The following BRIX1 variants were observed in gnomAD, a reference collection of about 807,000 sequenced individuals.
BRIX1 encodes ribosome biogenesis protein BRX1 homolog.
In BRIX1, 15 loss-of-function variants were observed where a neutral mutation model predicts 44.0. That is an observed-to-expected ratio of 0.34 (90% CI 0.23 to 0.53). The LOEUF is 0.53. Among genes scored for constraint, BRIX1 ranks in the 20% least tolerant of loss-of-function variants. The probability of loss-of-function intolerance (pLI) is 0.95; values close to 1 mark genes in which losing one functional copy is unlikely to be tolerated. For synonymous variants in BRIX1, 149 were observed against 135.4 expected (o/e 1.10, Z -0.70); for missense variants, 420 against 432.8 (o/e 0.97, Z 0.26).
chr5:34,916,092 G>C (rs1329111202), intron 1 of BRIX1, 195 bp downstream of exon 1: 22 of 574,350 alleles, frequency 3.8e-5, no homozygotes, highest in Non-Finnish European at 5.3e-5. Flanking sequence ...CGTCTTCCTG[G>C]AGGCGGCGGG....
At chr5:34,916,057 T>G in intron 1 of BRIX1, 160 bp downstream of exon 1, 1 of 826,214 alleles carries the variant, frequency 1.2e-6, no homozygotes, top group Non-Finnish European at 1.8e-6. Flanking sequence ...GCACGGAGTT[T>G]GCAGCTAATC....
chr5:34,923,204 G>A lies in BRIX1; in HGVS notation c.633G>A (p.Leu211=). ...ACCACGTGTTTACTTTCACCATTTT[G>A]GATAATAGGATATGGTTTCGGAACT... ...FVDHVFTFTI[L]DNRIWFRNFQ... Residue 211 remains leucine, a synonymous_variant, in exon 8 of 10, where the codon TTG becomes TTA. Coordinates refer to ENST00000336767, the MANE Select transcript of BRIX1 (RefSeq NM_018321.4). The A allele has an allele frequency of 1.2e-6, 2 of 1,613,706 alleles. No homozygotes were observed. Among genetic ancestry groups the A allele is most frequent in the Non-Finnish European group, 1.7e-6 (2 of 1,179,692 alleles).
At chr5:34,915,994 T>C in intron 1 of BRIX1, 97 bp downstream of exon 1, 2 of 1,375,850 alleles carry the variant, frequency 1.5e-6, no homozygotes, top group Non-Finnish European at 1.9e-6. Flanking sequence ...AATTTCAGAG[T>C]AGCCCGGGTG....
chr5:34,922,276 T>G lies in BRIX1; in HGVS notation c.375T>G (p.Asp125Glu). 6.4e-7 allele frequency: 1 copy of G among 1,568,500 alleles called. No individual in the cohort carries two copies. Among genetic ancestry groups the G allele is most frequent in the Non-Finnish European group, 8.7e-7 (1 of 1,143,444 alleles). Reference protein sequence around the residue: ...CIYFEAKKKQDLYMWLSNSPH... With the variant: ...CIYFEAKKKQELYMWLSNSPH... ...ATTTTGAAGCTAAGAAAAAACAGGATCTCTATATGTGGTAAGAGAATGTAT... is the reference window on the plus strand; with the variant it reads ...ATTTTGAAGCTAAGAAAAAACAGGAGCTCTATATGTGGTAAGAGAATGTAT... Residue 125 changes from aspartate to glutamate, a missense_variant, in exon 4 of 10, where the codon GAT (aspartate) becomes GAG (glutamate). By Grantham distance (45) the Asp-to-Glu change is conservative. Coordinates refer to ENST00000336767, the MANE Select transcript of BRIX1 (RefSeq NM_018321.4).
chr5:34,918,470 A>G lies in BRIX1; in HGVS notation c.266A>G (p.Lys89Arg). Residue 89 changes from lysine (K) to arginine (R), a missense_variant, in exon 2 of 10, where the codon AAA (lysine) becomes AGA (arginine). Physicochemically the swap from Lys to Arg is conservative, Grantham distance 26. Coordinates refer to ENST00000336767, the MANE Select transcript of BRIX1 (RefSeq NM_018321.4). ...QDLRMLMPHSKADTKMDRKDK... is the reference protein window; with the variant it reads ...QDLRMLMPHSRADTKMDRKDK... ...TTGAGAATGTTGATGCCTCATTCTAAAGCAGGTGCCTTTATATCATATACT... is the reference window on the plus strand; with the variant it reads ...TTGAGAATGTTGATGCCTCATTCTAGAGCAGGTGCCTTTATATCATATACT... 6.3e-7 allele frequency: 1 copy of G among 1,586,150 alleles called. No individual in the cohort carries two copies. Among genetic ancestry groups the G allele is most frequent in the East Asian group, 2.3e-5 (1 of 44,360 alleles).
In BRIX1 at chr5:34,925,458, A is replaced by G; in HGVS notation, c.1025A>G (p.Lys342Arg). 1 of 1,613,864 alleles carries G rather than the reference A, an allele frequency of 6.2e-7. No individual in the cohort carries two copies. The highest frequency in any genetic ancestry group is 1.7e-5 in the Admixed American group (1 of 60,030). The change falls in exon 10 of 10, where the codon AAA becomes AGA. Residue 342 changes from lysine (K) to arginine (R), a missense_variant. Lys to Arg is a conservative substitution (Grantham distance 26). Transcript: ENST00000336767. The stretch of plus-strand genomic sequence containing the variant: ...AAACGGATTTACAAAAGGCAAAGAA[A>G]AATGAAACAGAGGATGGACAGTGGG... Reference protein sequence around the residue: ...RKKRIYKRQRKMKQRMDSGKT... With the variant: ...RKKRIYKRQRRMKQRMDSGKT...
intron 1 of BRIX1, 68 bp downstream of exon 1, chr5:34,915,965 CT>C: frequency 6.8e-7 from 1 of 1,461,310 alleles, no homozygotes; most frequent in Non-Finnish European, 9.1e-7. Context: ...GGGTTACTTA[CT>C]TGACTACAGC....
intron 8 of BRIX1, among the ~76,000 whole-genome samples, chr5:34,923,850 TCTACCTA>T (rs1182242015): frequency 3.9e-5 from 6 of 152,226 alleles, no homozygotes; most frequent in Non-Finnish European, 7.3e-5. Context: ...TTAAGTGAGC[TCTACCTA>T]CTTCTATTCA....
At chr5:34,923,626 C>CTCAAATCA (rs1450825632) in intron 8 of BRIX1, among the ~76,000 whole-genome samples, 1 of 152,058 alleles carries the variant, frequency 6.6e-6, no homozygotes. Flanking sequence ...CTAGGTTGGC[C>CTCAAATCA]TTGAACCTCC....
intron 3 of BRIX1, chr5:34,921,100 C>T (rs1764227508): frequency 6.6e-6 from 1 of 152,184 alleles, no homozygotes; most frequent in Admixed American, 6.6e-5. Flanking sequence ...CTCGGCCTCC[C>T]AAAGTGCTGG....
At position 34,923,098 on chromosome 5, in the gene BRIX1, T is replaced by C. The variant is rs1281260640; in HGVS notation, c.562-35T>C. The C allele has an allele frequency of 3.2e-6, 5 of 1,584,486 alleles. No individual in the cohort carries two copies. In the East Asian group the frequency reaches 9.0e-5, roughly 28 times the overall value. On this transcript the variant is annotated intron_variant, in intron 7 of 9. Coordinates refer to ENST00000336767, the MANE Select transcript of BRIX1 (RefSeq NM_018321.4). ...TATCCAAAATATACATGATATATCTTGGAATAAGGAACTAACATACACTTT... is the reference window on the plus strand; with the variant it reads ...TATCCAAAATATACATGATATATCTCGGAATAAGGAACTAACATACACTTT...
intron 3 of BRIX1, 154 bp downstream of exon 3, chr5:34,920,037 ATC>A (rs1255150208): frequency 8.5e-6 from 4 of 469,802 alleles, no homozygotes; most frequent in African/African-American, 4.1e-5. Flanking sequence ...CCAAATTTTT[ATC>A]TCTCACAGTT....
In BRIX1 at chr5:34,917,188, T is replaced by C. The variant is rs78084789; in HGVS notation, c.160-1176T>C. On this transcript the variant is annotated intron_variant, in intron 1 of 9. Transcript: ENST00000336767. ...TTTGAAGTAGGGAAATGCTGAAAAATGTAAAAAATAGAGCCAGATTGGATT... is the reference window on the plus strand; with the variant it reads ...TTTGAAGTAGGGAAATGCTGAAAAACGTAAAAAATAGAGCCAGATTGGATT... 5.9e-3 allele frequency among the ~76,000 whole-genome samples: 901 copies of C among 151,920 alleles called. 8 individuals carry two copies. The highest frequency in any genetic ancestry group is 0.021 in the African/African-American group (859 of 41,426).
At chr5:34,918,829 T>A (rs1764174996) in intron 2 of BRIX1, 1 of 162,170 alleles carries the variant, frequency 6.2e-6, no homozygotes, top group South Asian at 2.0e-4. Flanking sequence ...TTTTTTTTTT[T>A]TTTTTAACTG....
At chr5:34,918,786 G>A (rs997995501) in intron 2 of BRIX1, 1 of 205,034 alleles carries the variant, frequency 4.9e-6, no homozygotes, top group Non-Finnish European at 9.5e-6. Context: ...TGTCCTAAGT[G>A]CTAAGGACTG....
chr5:34,922,748 C>A lies in BRIX1; in HGVS notation c.490C>A (p.Pro164Thr), dbSNP rs201632829. Residue 164 changes from proline (P) to threonine (T), a missense_variant, in exon 6 of 10, where the codon CCC (proline) becomes ACC (threonine). Transcript: ENST00000336767. ...MTGNCLKGSR[P>T]LLSFDPAFDE... ...TGGAAACTGTTTGAAAGGTTCTCGGCCCCTTTTGTCTTTTGACCCTGTAAG... is the reference window on the plus strand; with the variant it reads ...TGGAAACTGTTTGAAAGGTTCTCGGACCCTTTTGTCTTTTGACCCTGTAAG... The A allele has an allele frequency of 2.0e-5, 33 of 1,613,844 alleles. No homozygotes were observed. The highest frequency in any genetic ancestry group is 1.8e-4 in the Admixed American group (11 of 60,002).
chr5:34,917,415 C>T (rs1764138269), intron 1 of BRIX1, among the ~76,000 whole-genome samples: 1 of 151,782 alleles, frequency 6.6e-6, no homozygotes, highest in South Asian at 2.1e-4. Context: ...GGGTGGATCA[C>T]TAGGTCAGGA....
At chr5:34,917,431 A>G (rs1461378072) in intron 1 of BRIX1, among the ~76,000 whole-genome samples, 1 of 151,926 alleles carries the variant, frequency 6.6e-6, no homozygotes, top group Non-Finnish European at 1.5e-5. Flanking sequence ...CAGGAGTTCA[A>G]GACCAGCCTG....
intron 3 of BRIX1, chr5:34,920,751 T>G (rs1460273853): frequency 6.6e-6 from 1 of 151,984 alleles, no homozygotes; most frequent in African/African-American, 2.4e-5. Flanking sequence ...CTAGAGAAAA[T>G]GGCAACTACA....
Sources: allele counts gnomAD v4.1 joint callset (sites outside exome capture counted in the v4.1 genomes callset), GRCh38; gene constraint gnomAD v4.1.1; transcripts MANE v1.5; gene names NCBI Gene and HGNC (gene_info 2026-07-23, HGNC 2026-07-21).